Variants in KIF26B observed in about 807,000 individuals in gnomAD.
KIF26B encodes the protein kinesin family member 26B, also known as kinesin-like protein KIF26B.
Under a neutral mutation model 151.2 loss-of-function variants are expected in KIF26B, and 63 were observed. The ratio of observed to expected loss-of-function variants is 0.42; its 90% CI spans 0.34 to 0.51. The LOEUF is 0.51. Among genes scored for constraint, KIF26B ranks in the 20% least tolerant of loss-of-function variants. The probability of loss-of-function intolerance (pLI) is 0.07; values close to 1 mark genes in which losing one functional copy is unlikely to be tolerated. For synonymous variants in KIF26B, 1,357 were observed against 1,262.1 expected (o/e 1.08, Z -1.59); for missense variants, 2,813 against 2,913.6 (o/e 0.97, Z 0.79).
chr1:245,168,015 C>G (rs981080123), intron 2 of KIF26B, among the ~76,000 whole-genome samples: 2 of 152,166 alleles, frequency 1.3e-5, no homozygotes, highest in Non-Finnish European at 2.9e-5. Flanking sequence ...GCTTCCAGCA[C>G]TGATAAGCAT....
intron 2 of KIF26B, among the ~76,000 whole-genome samples, chr1:245,286,258 G>A (rs1036071642): frequency 5.3e-5 from 8 of 152,128 alleles, no homozygotes; most frequent in African/African-American, 1.9e-4. Flanking sequence ...AACTCAGGTG[G>A]GTGTGGTGGC....
intron 5 of KIF26B, among the ~76,000 whole-genome samples, chr1:245,555,850 G>A (rs983278676): frequency 5.3e-5 from 8 of 152,228 alleles, no homozygotes; most frequent in East Asian, 1.9e-4. Context: ...GACTTGGGGG[G>A]GTTCATTTTG....
chr1:245,287,677 A>G (rs781089654), intron 2 of KIF26B, among the ~76,000 whole-genome samples: 62 of 151,726 alleles, frequency 4.1e-4, no homozygotes, highest in Non-Finnish European at 7.1e-4. Context: ...CTAATTTTGT[A>G]TTTTTATTAG....
chr1:245,567,892 T>C (rs1005815824), intron 5 of KIF26B, among the ~76,000 whole-genome samples: 2 of 151,948 alleles, frequency 1.3e-5, no homozygotes, highest in Admixed American at 1.3e-4. Flanking sequence ...AAATGAAAAG[T>C]TCTTAAAGGG....
At chr1:245,416,656 G>A (rs1303833651) in intron 3 of KIF26B, among the ~76,000 whole-genome samples, 1 of 152,236 alleles carries the variant, frequency 6.6e-6, no homozygotes, top group Admixed American at 6.5e-5. Flanking sequence ...CTCGGAGGAA[G>A]TGAGGCTTGA....
At chr1:245,183,393 C>T (rs1388355317) in intron 2 of KIF26B, among the ~76,000 whole-genome samples, 3 of 152,088 alleles carry the variant, frequency 2.0e-5, no homozygotes, top group Non-Finnish European at 2.9e-5. Context: ...GATTTACTTC[C>T]AGATTTTTGT....
rs891700206 is a variant in KIF26B at position 245,564,485 on chromosome 1, C to T, written c.1350+23535C>T. The stretch of plus-strand genomic sequence containing the variant: ...GCTGACTGGTGGGGAGGGACAGCAT[C>T]GCCTCAGTGAAAGTTTTGGGTTAAA... On this transcript the variant is annotated intron_variant, in intron 5 of 14. Transcript: ENST00000407071. The surrounding 1 kb of genome is among the most constrained non-coding windows in gnomAD (Gnocchi z 4.6). Among the ~76,000 whole-genome samples, 3 of 152,116 alleles carry T rather than the reference C, an allele frequency of 2.0e-5. No individual in the cohort carries two copies. The highest frequency in any genetic ancestry group is 2.9e-5 in the Non-Finnish European group (2 of 68,040).
At chr1:245,492,646 C>G (rs1660432026) in intron 4 of KIF26B, among the ~76,000 whole-genome samples, 1 of 152,232 alleles carries the variant, frequency 6.6e-6, no homozygotes, top group African/African-American at 2.4e-5. Flanking sequence ...TCAAACTGAC[C>G]TAAGCCAATT....
chr1:245,274,394 G>T (rs1670905554), intron 2 of KIF26B, among the ~76,000 whole-genome samples: 1 of 151,742 alleles, frequency 6.6e-6, no homozygotes, highest in Admixed American at 6.6e-5. Flanking sequence ...CCCACAACAG[G>T]CCCCGGTGTG....
chr1:245,224,380 C>T (rs1351019806), intron 2 of KIF26B, among the ~76,000 whole-genome samples: 8 of 152,132 alleles, frequency 5.3e-5, no homozygotes, highest in Admixed American at 4.6e-4. Context: ...TCAGGAAGGG[C>T]GTATACGCAG....
intron 2 of KIF26B, among the ~76,000 whole-genome samples, chr1:245,165,675 C>G (rs1668604120): frequency 6.6e-6 from 1 of 151,956 alleles, no homozygotes; most frequent in Non-Finnish European, 1.5e-5. Context: ...GAAGACAGAC[C>G]AAGAAGGAGG....
chr1:245,584,828 AT>A (rs2043207775), intron 5 of KIF26B, among the ~76,000 whole-genome samples: 1 of 152,218 alleles, frequency 6.6e-6, no homozygotes, highest in East Asian at 1.9e-4. Context: ...TAAGGTAAAC[AT>A]TTATTTTATT....
At chr1:245,675,690 A>T (rs1267398001) in intron 10 of KIF26B, among the ~76,000 whole-genome samples, 1 of 152,132 alleles carries the variant, frequency 6.6e-6, no homozygotes, top group Admixed American at 6.5e-5. Flanking sequence ...TTAGGACCAT[A>T]GAGTATTGGA....
chr1:245,221,709 A>G (rs1433804222), intron 2 of KIF26B, among the ~76,000 whole-genome samples: 1 of 152,208 alleles, frequency 6.6e-6, no homozygotes, highest in Non-Finnish European at 1.5e-5. Flanking sequence ...TGCCTGGCCT[A>G]TTCTTCCTAC....
intron 9 of KIF26B, among the ~76,000 whole-genome samples, chr1:245,623,140 T>C (rs2043684447): frequency 1.3e-5 from 2 of 151,648 alleles, no homozygotes. Context: ...TTATCATATG[T>C]ATATGCCTAT....
At chr1:245,554,970 G>GA (rs1293324996) in intron 5 of KIF26B, among the ~76,000 whole-genome samples, 1 of 152,222 alleles carries the variant, frequency 6.6e-6, no homozygotes, top group Non-Finnish European at 1.5e-5. Flanking sequence ...GTGCCAGGCT[G>GA]AAGCGAGGGG....
intron 2 of KIF26B, among the ~76,000 whole-genome samples, chr1:245,297,915 CT>C (rs1671365637): frequency 6.6e-6 from 1 of 151,916 alleles, no homozygotes; most frequent in African/African-American, 2.4e-5. Flanking sequence ...GAGACAGAGT[CT>C]TGCTCTGTTG....
chr1:245,629,948 G>C (rs1484401951), intron 9 of KIF26B, among the ~76,000 whole-genome samples: 1 of 152,142 alleles, frequency 6.6e-6, no homozygotes, highest in Non-Finnish European at 1.5e-5. Context: ...CTTCTCAAAA[G>C]AAGACATTTA....
intron 5 of KIF26B, among the ~76,000 whole-genome samples, chr1:245,557,825 C>T (rs762221255): frequency 2.0e-5 from 3 of 152,210 alleles, no homozygotes; most frequent in Non-Finnish European, 2.9e-5. Flanking sequence ...GCATGTCCCT[C>T]TAACTAGAGG....
Sources: gnomAD v4.1 joint callset for allele counts (sites outside exome capture counted in the v4.1 genomes callset) on GRCh38, gnomAD v4.1.1 for gene constraint, Gnocchi (gnomAD v3.1) non-coding constraint, MANE v1.5 for transcripts, NCBI Gene and HGNC (gene_info 2026-07-23, HGNC 2026-07-21) for gene names.